ARHGEF3: variants seen among roughly 807,000 people sequenced by gnomAD.
The protein encoded by ARHGEF3 is 59.8 kDA protein.
A neutral mutation model predicts 63.2 loss-of-function variants in ARHGEF3; 28 were observed. The observed-to-expected ratio is 0.44, with a 90% CI of 0.33 to 0.61. The LOEUF (loss-of-function observed/expected upper bound fraction) is 0.61, where lower values mean the gene tolerates loss of function less well. Ranked by LOEUF, ARHGEF3 falls within the 20% of genes least tolerant of loss-of-function variation. The probability of loss-of-function intolerance (pLI) is 0.03; values close to 1 mark genes in which losing one functional copy is unlikely to be tolerated. For missense variants in ARHGEF3, 533 were observed against 659.3 expected (o/e 0.81, Z 2.10); for synonymous variants, 266 against 254.2 (o/e 1.05, Z -0.44).
chr3:56,778,249 A>C (rs2036377900), intron 1 of ARHGEF3, among the ~76,000 whole-genome samples: 1 of 152,220 alleles, frequency 6.6e-6, no homozygotes, highest in Non-Finnish European at 1.5e-5. Flanking sequence ...CTACTACTAC[A>C]ATCCCTATTT....
chr3:57,061,218 T>C lies in ARHGEF3; in HGVS notation c.-28+18008A>G, dbSNP rs141537166. Among the ~76,000 whole-genome samples the C allele has an allele frequency of 3.9e-5, 6 of 152,334 alleles. No individual in the cohort carries two copies. In the East Asian group the frequency reaches 1.2e-3, roughly 29 times the overall value. On this transcript the variant is annotated intron_variant, in intron 1 of 12. Transcript: ENST00000338458. ...TCCAGGTACCCCCTGTAAGTGTCCT[T>C]TTGTGACTGACTTTTCTCATGTAGC...
intron 4 of ARHGEF3, among the ~76,000 whole-genome samples, chr3:56,817,916 G>A (rs1454720948): frequency 6.6e-6 from 1 of 152,182 alleles, no homozygotes; most frequent in Non-Finnish European, 1.5e-5. Context: ...CCACGCATGG[G>A]GGATCAAGTG....
At position 56,729,260 on chromosome 3, in the gene ARHGEF3, C is replaced by T. The variant is rs755362455; in HGVS notation, c.*10G>A. 3.1e-6 allele frequency: 5 copies of T among 1,603,456 alleles called. No homozygotes were observed. Among genetic ancestry groups the T allele is most frequent in the African/African-American group, 1.3e-5 (1 of 74,834 alleles). ...ATGCAGGCCTGCTTCCCGAAGTGCA[C>T]ATGCTTCTGTCAGACGTTACTTTCA... is the stretch of plus-strand genomic sequence containing the variant. On this transcript the variant is annotated 3_prime_UTR_variant, in exon 10 of 10. Transcript: ENST00000296315.
intron 2 of ARHGEF3, chr3:57,034,958 G>T: frequency 1.4e-6 from 1 of 715,036 alleles, no homozygotes; most frequent in Non-Finnish European, 2.2e-6. Flanking sequence ...ACCATGCCTA[G>T]CACTATCTCC....
chr3:56,953,655 C>T (rs1307174420), intron 3 of ARHGEF3, among the ~76,000 whole-genome samples: 1 of 152,150 alleles, frequency 6.6e-6, no homozygotes, highest in Non-Finnish European at 1.5e-5. Flanking sequence ...TTGACCATAG[C>T]GATTGGCCGA....
At position 57,027,334 on chromosome 3, in the gene ARHGEF3, G is replaced by A. The variant is rs145242627; in HGVS notation, c.62+7754C>T. 2.4e-4 allele frequency among the ~76,000 whole-genome samples: 36 copies of A among 152,304 alleles called. No homozygotes were observed. The East Asian group carries it at 6.2e-3, about 26-fold the overall frequency. ...GGCGCCACCCTATGAGAAGGTGACT[G>A]CCTGGCATTAGGAACATGCTGATTG... On this transcript the variant is annotated intron_variant, in intron 2 of 12. Transcript: ENST00000338458.
At chr3:56,940,281 C>T (rs1343267507) in intron 3 of ARHGEF3, 1 of 152,162 alleles carries the variant, frequency 6.6e-6, no homozygotes. Flanking sequence ...TCACTTGCAA[C>T]TAGGATTTTG....
chr3:56,951,983 G>C (rs1006846492), intron 3 of ARHGEF3, among the ~76,000 whole-genome samples: 4 of 151,934 alleles, frequency 2.6e-5, no homozygotes, highest in African/African-American at 9.7e-5. Context: ...AAAATTCTAA[G>C]ATGGTCCCCA....
intron 1 of ARHGEF3, among the ~76,000 whole-genome samples, chr3:57,054,643 AT>A (rs544195887): frequency 0.16 from 19,424 of 121,110 alleles, 1,829 homozygotes; most frequent in Non-Finnish European, 0.24. Context: ...CATCTCAAAA[AT>A]TTTTTTTTTT....
intron 2 of ARHGEF3, among the ~76,000 whole-genome samples, chr3:56,973,945 T>C (rs1444051554): frequency 6.6e-6 from 1 of 152,100 alleles, no homozygotes; most frequent in African/African-American, 2.4e-5. Context: ...AATTAGACAG[T>C]TGTGGTGGTG....
intron 4 of ARHGEF3, among the ~76,000 whole-genome samples, chr3:56,860,854 C>T (rs548646253): frequency 6.6e-6 from 1 of 152,244 alleles, no homozygotes; most frequent in African/African-American, 2.4e-5. Context: ...AAGTTCATTT[C>T]GTGCTCAGAA....
At position 56,923,025 on chromosome 3, in the gene ARHGEF3, AATATATATAT is replaced by A. The variant is rs72294634; in HGVS notation, c.129+35788_129+35797del. On this transcript the variant is annotated intron_variant, in intron 3 of 12. Transcript: ENST00000338458. The stretch of plus-strand genomic sequence containing the variant: ...AAATGGCAAAACCCCATCTCTACTA[AATATATATAT>A]ATATATATATATATATATATATATA... Among the ~76,000 whole-genome samples the A allele has an allele frequency of 2.0e-3, 178 of 91,220 alleles. 1 individual carries two copies. The highest frequency in any genetic ancestry group is 6.9e-3 in the African/African-American group (144 of 20,754). The allele number at this position is 91,220 out of a possible 152,430, so 59.8% of individuals were successfully genotyped here. A position where few individuals can be genotyped will look rare whatever the true frequency, so the allele number is the denominator to read the frequency against.
At chr3:56,783,167 T>G (rs2036640291) in intron 1 of ARHGEF3, among the ~76,000 whole-genome samples, 1 of 152,098 alleles carries the variant, frequency 6.6e-6, no homozygotes, top group African/African-American at 2.4e-5. Context: ...ACCAGCTTCC[T>G]ATAAAACACA....
chr3:56,827,249 A>G (rs2038754131), intron 4 of ARHGEF3, among the ~76,000 whole-genome samples: 1 of 152,260 alleles, frequency 6.6e-6, no homozygotes, highest in African/African-American at 2.4e-5. Context: ...TCTCTGTAAT[A>G]TATAAAGACT....
intron 2 of ARHGEF3, among the ~76,000 whole-genome samples, chr3:56,982,410 C>T (rs1159442317): frequency 6.6e-6 from 1 of 152,114 alleles, no homozygotes; most frequent in Admixed American, 6.5e-5. Flanking sequence ...ACAGTAAGCA[C>T]TTAATTCATG....
intron 1 of ARHGEF3, among the ~76,000 whole-genome samples, chr3:56,795,734 C>G (rs968248497): frequency 2.0e-5 from 3 of 148,440 alleles, no homozygotes; most frequent in Admixed American, 6.8e-5. Context: ...CTCTGCCTCC[C>G]AGGTTCAAGT....
chr3:57,077,834 A>G (rs1311230084), intron 1 of ARHGEF3, among the ~76,000 whole-genome samples: 1 of 152,174 alleles, frequency 6.6e-6, no homozygotes, highest in Non-Finnish European at 1.5e-5. Context: ...CTAATCCCAC[A>G]TTCTGAGATA....
chr3:57,055,162 G>GTTTTTTTTTTTTTTT (rs1560165562), intron 1 of ARHGEF3, among the ~76,000 whole-genome samples: 1 of 139,800 alleles, frequency 7.2e-6, no homozygotes, highest in African/African-American at 2.7e-5. Flanking sequence ...TTCTCTTTAT[G>GTTTTTTTTTTTTTTT]CTTTTTTTTT....
At chr3:56,935,092 A>C (rs770066513) in intron 3 of ARHGEF3, among the ~76,000 whole-genome samples, 11 of 151,360 alleles carry the variant, frequency 7.3e-5, no homozygotes, top group Non-Finnish European at 1.3e-4. Context: ...TAGCTCAGGG[A>C]TTGTAAATAC....
Sources: gnomAD v4.1 joint callset for allele counts (sites outside exome capture counted in the v4.1 genomes callset) on GRCh38, gnomAD v4.1.1 for gene constraint, MANE v1.5 for transcripts, NCBI Gene and HGNC (gene_info 2026-07-23, HGNC 2026-07-21) for gene names.